Variants in GCFC2 observed in about 807,000 individuals in gnomAD.
The protein encoded by GCFC2 is GC-rich sequence DNA-binding factor 2, also known as intron Large complex component GCFC2.
In GCFC2, 102 loss-of-function variants were observed where a neutral mutation model predicts 99.4. The ratio of observed to expected loss-of-function variants is 1.03; its 90% confidence interval spans 0.87 to 1.21. The LOEUF is 1.21. Among genes scored for constraint, GCFC2 ranks in the 50% most tolerant of loss-of-function variants. The probability of loss-of-function intolerance (pLI) is 0.00; values close to 1 mark genes in which losing one functional copy is unlikely to be tolerated. For missense variants in GCFC2, 973 were observed against 920.9 expected (o/e 1.06, Z -0.73); for synonymous variants, 338 against 316.8 (o/e 1.07, Z -0.71).
At chr2:75,701,052 G>A (rs776081740) in intron 4 of GCFC2, 138 bp downstream of exon 4, 15 of 603,172 alleles carry the variant, frequency 2.5e-5, no homozygotes, top group Non-Finnish European at 4.1e-5. Flanking sequence ...GAAGCAAGGT[G>A]CTGCCAATAC....
chr2:75,703,855 T>A (rs926877794), intron 2 of GCFC2, among the ~76,000 whole-genome samples: 1 of 152,180 alleles, frequency 6.6e-6, no homozygotes, highest in Admixed American at 6.5e-5. Flanking sequence ...GACATTTAGG[T>A]TCAAATACTC....
At chr2:75,679,672 G>A (rs1373325714) in intron 12 of GCFC2, 1 of 397,596 alleles carries the variant, frequency 2.5e-6, no homozygotes, top group East Asian at 3.6e-5. Flanking sequence ...AAGCCACAAT[G>A]CCACTGGATT....
chr2:75,699,818 C>T (rs996574263), intron 4 of GCFC2, among the ~76,000 whole-genome samples: 1 of 152,036 alleles, frequency 6.6e-6, no homozygotes, highest in African/African-American at 2.4e-5. Flanking sequence ...CTGAAGTGAT[C>T]CTTCCACCTT....
intron 3 of GCFC2, chr2:75,701,992 T>G (rs1680614464): frequency 7.5e-7 from 1 of 1,338,866 alleles, no homozygotes; most frequent in African/African-American, 1.5e-5. Context: ...CAGGCATTAA[T>G]AAACATTATT....
rs940472325 is a variant in GCFC2 at position 75,694,356 on chromosome 2, C to T, written c.905G>A (p.Ser302Asn). 4.6e-6 allele frequency: 7 copies of T among 1,525,946 alleles called. No homozygotes were observed. The African/African-American group carries it at 8.2e-5, about 18-fold the overall frequency. 94.5% of individuals were successfully genotyped at this position (1,525,946 alleles called of 1,614,324 possible). The change falls in exon 6 of 17, where the codon AGC becomes AAC. Residue 302 changes from serine (S) to asparagine (N), a missense_variant. Transcript: ENST00000321027. The part of the protein sequence containing the change: ...EYEKYVQDVK[S>N]SKSTIQNLES... ...TAGGTTCTGGATGGTACTCTTTGAG[C>T]TTTTGACATCTTGTACGTATTTTTC...
At chr2:75,665,078 A>G (rs997170598) in intron 16 of GCFC2, among the ~76,000 whole-genome samples, 2 of 152,160 alleles carry the variant, frequency 1.3e-5, no homozygotes, top group African/African-American at 2.4e-5. Context: ...ATTAGCTTGT[A>G]TGAGACATTG....
chr2:75,689,567 C>CT (rs1348837506), intron 9 of GCFC2, among the ~76,000 whole-genome samples: 1 of 152,038 alleles, frequency 6.6e-6, no homozygotes. Flanking sequence ...AAAAATCTCC[C>CT]TTAGAACCCA....
At chr2:75,700,145 ACT>A (rs1182682090) in intron 4 of GCFC2, among the ~76,000 whole-genome samples, 1 of 151,682 alleles carries the variant, frequency 6.6e-6, no homozygotes, top group Admixed American at 6.6e-5. Context: ...GATCCACCTG[ACT>A]CAGCCTCCCG....
At chr2:75,709,481 C>T (rs1340876606) in intron 1 of GCFC2, among the ~76,000 whole-genome samples, 2 of 152,092 alleles carry the variant, frequency 1.3e-5, no homozygotes, top group Non-Finnish European at 2.9e-5. Flanking sequence ...CATGATCTCA[C>T]ATATGTAATC....
chr2:75,682,590 T>C (rs902958925), intron 11 of GCFC2, among the ~76,000 whole-genome samples: 4 of 151,768 alleles, frequency 2.6e-5, no homozygotes, highest in African/African-American at 9.7e-5. Context: ...GGATGGAGAA[T>C]GAGTTTGACG....
chr2:75,708,972 CAA>C (rs1680992978), intron 1 of GCFC2, among the ~76,000 whole-genome samples: 1 of 152,130 alleles, frequency 6.6e-6, no homozygotes, highest in Non-Finnish European at 1.5e-5. Context: ...CAAAATAGCA[CAA>C]GAGATTAAAA....
intron 12 of GCFC2, among the ~76,000 whole-genome samples, chr2:75,677,067 A>C (rs1028281397): frequency 1.3e-5 from 2 of 152,212 alleles, no homozygotes; most frequent in African/African-American, 2.4e-5. Flanking sequence ...TCCCCATTTA[A>C]TCCCTAAGAA....
chr2:75,680,197 CT>C lies in GCFC2; in HGVS notation c.1807del (p.Arg603AspfsTer12). On this transcript the variant is annotated frameshift_variant, in exon 12 of 17. Coordinates refer to ENST00000321027, the MANE Select transcript of GCFC2 (RefSeq NM_003203.5). LOFTEE classifies it high-confidence loss of function. ...CGCAACTCTAGAAATTATTACCTGT[CT>C]GCTTTTACTAACTTCATTTTCACAA... ...STCENEVSKS[R>X]QDLLKSIVSR... 1 of 1,600,662 alleles carries C rather than the reference CT, an allele frequency of 6.2e-7. No individual in the cohort carries two copies. The highest frequency in any genetic ancestry group is 8.6e-7 in the Non-Finnish European group (1 of 1,168,592).
chr2:75,693,935 A>T (rs1680194728), intron 6 of GCFC2, among the ~76,000 whole-genome samples: 1 of 152,118 alleles, frequency 6.6e-6, no homozygotes, highest in African/African-American at 2.4e-5. Context: ...AATGTTTCAT[A>T]AGCCTTAAAA....
upstream of GCFC2, among the ~76,000 whole-genome samples, chr2:75,712,304 A>C (rs887016352): frequency 4.0e-5 from 6 of 151,834 alleles, no homozygotes; most frequent in Non-Finnish European, 5.9e-5. Flanking sequence ...ACCAATCAGC[A>C]CCCTGTGTTT....
chr2:75,668,893 G>A (rs1364750443), intron 15 of GCFC2, among the ~76,000 whole-genome samples: 1 of 152,144 alleles, frequency 6.6e-6, no homozygotes, highest in African/African-American at 2.4e-5. Context: ...CAGTGCAGGA[G>A]ACTGTTTTCC....
At position 75,687,863 on chromosome 2, in the gene GCFC2, C is replaced by T; in HGVS notation, c.1654G>A (p.Ala552Thr). ...GGAATAATTGTTTTGTTGATGATTG[C>T]AGACAAGACTTTTTTATCTGAACTA... The part of the protein sequence containing the change: ...ESSSDKKVLS[A>T]IINKTIIPRL... Residue 552 changes from alanine to threonine, a missense_variant, in exon 11 of 17, where the codon GCA (alanine) becomes ACA (threonine). Ala to Thr is a moderately conservative substitution (Grantham distance 58). Coordinates refer to ENST00000321027, the MANE Select transcript of GCFC2 (RefSeq NM_003203.5). 6.2e-7 allele frequency: 1 copy of T among 1,606,084 alleles called. No homozygotes were observed. The highest frequency in any genetic ancestry group is 1.7e-5 in the Admixed American group (1 of 58,550).
At chr2:75,668,604 TG>T (rs1678953969) in intron 15 of GCFC2, among the ~76,000 whole-genome samples, 1 of 152,222 alleles carries the variant, frequency 6.6e-6, no homozygotes, top group Admixed American at 6.5e-5. Context: ...ACATAACTTT[TG>T]TGAACCCAAA....
chr2:75,710,318 T>C (rs982427815), intron 1 of GCFC2: 49 of 530,118 alleles, frequency 9.2e-5, no homozygotes, highest in Non-Finnish European at 1.4e-4. Context: ...TTATAACTGA[T>C]GGAGTCAACT....
Sources: gnomAD v4.1 joint callset for allele counts (sites outside exome capture counted in the v4.1 genomes callset) on GRCh38, gnomAD v4.1.1 for gene constraint, MANE v1.5 for transcripts, NCBI Gene and HGNC (gene_info 2026-07-23, HGNC 2026-07-21) for gene names.